The following IMMP1L variants were observed in gnomAD, a reference collection of about 807,000 sequenced individuals.
IMMP1L encodes mitochondrial inner membrane protease subunit 1.
In IMMP1L, 24 loss-of-function variants were observed where a neutral mutation model predicts 21.8. The observed-to-expected ratio is 1.10, with a 90% CI of 0.80 to 1.55. The LOEUF (loss-of-function observed/expected upper bound fraction) is 1.55, where lower values mean the gene tolerates loss of function less well. IMMP1L is among the 40% of genes most tolerant of loss of function. IMMP1L has a pLI of 0.00. For missense variants in IMMP1L, 195 were observed against 200.7 expected, an observed-to-expected ratio of 0.97 and a Z score of 0.17; for synonymous variants, 46 against 62.8, an observed-to-expected ratio of 0.73 and a Z score of 1.26.
chr11:31,508,410 T>C (rs1326213442), intron 1 of IMMP1L, among the ~76,000 whole-genome samples: 10 of 152,224 alleles, frequency 6.6e-5, no homozygotes, highest in African/African-American at 2.4e-4. Context: ...TCAACAGCTA[T>C]TTATTGAGTA....
intron 4 of IMMP1L, 55 bp downstream of exon 4, chr11:31,456,205 A>T: frequency 1.6e-6 from 2 of 1,277,532 alleles, no homozygotes; most frequent in Non-Finnish European, 2.2e-6. Flanking sequence ...GTCAGCACTC[A>T]GTTAATGTTA....
intron 3 of IMMP1L, among the ~76,000 whole-genome samples, chr11:31,457,846 T>G (rs979029837): frequency 6.6e-6 from 1 of 152,164 alleles, no homozygotes; most frequent in Non-Finnish European, 1.5e-5. Context: ...CTATTCTTGG[T>G]AAGAGTTGAA....
At chr11:31,500,627 A>T (rs971833540) in intron 1 of IMMP1L, among the ~76,000 whole-genome samples, 3 of 150,310 alleles carry the variant, frequency 2.0e-5, no homozygotes, top group Admixed American at 6.6e-5. Context: ...ACACACACAC[A>T]CTCCCCAAAG....
chr11:31,441,100 T>C (rs1953310727), intron 4 of IMMP1L, among the ~76,000 whole-genome samples: 1 of 152,172 alleles, frequency 6.6e-6, no homozygotes, highest in Non-Finnish European at 1.5e-5. Context: ...ATTTTTAAAA[T>C]ATATATTTCA....
intron 4 of IMMP1L, chr11:31,452,959 G>T: frequency 2.6e-6 from 2 of 780,428 alleles, no homozygotes; most frequent in Non-Finnish European, 3.6e-6. Context: ...ACCATGCTGG[G>T]CAGGCTGGTC....
chr11:31,498,928 G>A (rs1336603495), intron 1 of IMMP1L, among the ~76,000 whole-genome samples: 2 of 152,168 alleles, frequency 1.3e-5, no homozygotes, highest in Admixed American at 1.3e-4. Flanking sequence ...TACATCCATG[G>A]AGAGAGGAGT....
At chr11:31,452,699 G>A (rs1953796417) in intron 4 of IMMP1L, 1 of 1,007,704 alleles carries the variant, frequency 9.9e-7, no homozygotes, top group Middle Eastern at 5.0e-4. Flanking sequence ...CCCCAGGAAA[G>A]AATTATTGGC....
intron 4 of IMMP1L, among the ~76,000 whole-genome samples, chr11:31,433,985 A>G (rs527779707): frequency 4.9e-4 from 75 of 152,322 alleles, no homozygotes; most frequent in African/African-American, 1.5e-3. Context: ...CCTGGGGCCA[A>G]TACCAAAGCC....
At chr11:31,453,058 A>G in intron 4 of IMMP1L, 1 of 1,288,972 alleles carries the variant, frequency 7.8e-7, no homozygotes, top group South Asian at 1.2e-5. Flanking sequence ...GGCCAGCAAC[A>G]GCATCTTAAT....
intron 1 of IMMP1L, among the ~76,000 whole-genome samples, chr11:31,482,559 A>C (rs1954931634): frequency 6.6e-6 from 1 of 152,044 alleles, no homozygotes; most frequent in Admixed American, 6.6e-5. Context: ...GGAACTTCAC[A>C]GAAGAAAATA....
chr11:31,436,107 CCTAT>C lies in IMMP1L; in HGVS notation c.322-2541_322-2538del, dbSNP rs556008445. Among the ~76,000 whole-genome samples, 407 of 152,218 alleles carry C rather than the reference CCTAT, an allele frequency of 2.7e-3. 2 individuals carry two copies. Among genetic ancestry groups the C allele is most frequent in the African/African-American group, 9.3e-3 (385 of 41,546 alleles). On this transcript the variant is annotated intron_variant, in intron 4 of 5. Transcript: ENST00000532287. ...TATTAGTCTTTGGGATCTCAATTTTCCTATCTATGTGTATTTCTTATATAATACA... is the reference window on the plus strand; with the variant it reads ...TATTAGTCTTTGGGATCTCAATTTTCCTATGTGTATTTCTTATATAATACA...
At position 31,437,304 on chromosome 11, in the gene IMMP1L, T is replaced by A. The variant is rs541685656; in HGVS notation, c.322-3734A>T. 1.6e-4 allele frequency: 34 copies of A among 212,892 alleles called. No individual in the cohort carries two copies. In the South Asian group the frequency reaches 2.2e-3, roughly 14 times the overall value. The allele number at this position is 212,892 out of a possible 1,614,324, so 13.2% of individuals were successfully genotyped here. A position where few individuals can be genotyped will look rare whatever the true frequency, so the allele number is the denominator to read the frequency against. Reference sequence around the variant, plus strand: ...CATATATATATAGCCTGAAGGTAATTTTATACAGTATTTATAATTTGTCCA... The same window carrying A: ...CATATATATATAGCCTGAAGGTAATATTATACAGTATTTATAATTTGTCCA... On this transcript the variant is annotated intron_variant, in intron 4 of 5. Transcript: ENST00000532287.
intron 1 of IMMP1L, among the ~76,000 whole-genome samples, chr11:31,467,643 C>T (rs981678142): frequency 1.3e-5 from 2 of 151,858 alleles, no homozygotes; most frequent in African/African-American, 4.8e-5. Flanking sequence ...AACATGACAG[C>T]TAATAAATGT....
chr11:31,436,148 A>C lies in IMMP1L; in HGVS notation c.322-2578T>G, dbSNP rs1953109421. On this transcript the variant is annotated intron_variant, in intron 4 of 5. Transcript: ENST00000532287. ...TCTTATATAATACAAAGATTAATAC[A>C]TTTATTGCAAACATTTTTCCCAATC... is the stretch of plus-strand genomic sequence containing the variant. 2.0e-5 allele frequency among the ~76,000 whole-genome samples: 3 copies of C among 152,212 alleles called. No homozygotes were observed. The South Asian group carries it at 6.2e-4, about 32-fold the overall frequency.
At chr11:31,465,154 C>A (rs952716668) in intron 1 of IMMP1L, among the ~76,000 whole-genome samples, 1 of 151,888 alleles carries the variant, frequency 6.6e-6, no homozygotes, top group Admixed American at 6.6e-5. Flanking sequence ...AATGATCTAG[C>A]TGAGTAAGAA....
chr11:31,448,690 C>A (rs1193740814), intron 4 of IMMP1L, among the ~76,000 whole-genome samples: 3 of 152,166 alleles, frequency 2.0e-5, no homozygotes, highest in Non-Finnish European at 4.4e-5. Context: ...TTCATATATA[C>A]ATCTTTTCAA....
At chr11:31,462,387 T>C (rs1463481180) in intron 2 of IMMP1L, among the ~76,000 whole-genome samples, 1 of 150,348 alleles carries the variant, frequency 6.7e-6, no homozygotes, top group Non-Finnish European at 1.5e-5. Context: ...TAACTGGAGG[T>C]TATGTGACTG....
intron 4 of IMMP1L, among the ~76,000 whole-genome samples, chr11:31,448,556 T>TGC (rs1447860348): frequency 6.6e-6 from 1 of 152,220 alleles, no homozygotes; most frequent in Non-Finnish European, 1.5e-5. Flanking sequence ...AACTGTATCC[T>TGC]GCCTCTCTAG....
chr11:31,463,082 A>T, intron 2 of IMMP1L, 90 bp downstream of exon 2: 1 of 965,670 alleles, frequency 1.0e-6, no homozygotes, highest in Non-Finnish European at 1.5e-6. Context: ...AAATAACTTC[A>T]ACTAGGTTTT....
Sources: gnomAD v4.1 joint callset for allele counts (sites outside exome capture counted in the v4.1 genomes callset) on GRCh38, gnomAD v4.1.1 for gene constraint, MANE v1.5 for transcripts, NCBI Gene and HGNC (gene_info 2026-07-23, HGNC 2026-07-21) for gene names.